Variants in GRID2 observed in about 807,000 individuals in gnomAD.
GRID2 encodes the protein glutamate ionotropic receptor delta type subunit 2.
A neutral mutation model predicts 114.8 loss-of-function variants in GRID2; 33 were observed. The ratio of observed to expected loss-of-function variants is 0.29; its 90% CI spans 0.22 to 0.38. The LOEUF (loss-of-function observed/expected upper bound fraction) is 0.38. GRID2 is among the 10% of genes least tolerant of loss of function. GRID2 has a pLI of 1.00. For missense variants in GRID2, 1,184 were observed against 1,257.7 expected, an observed-to-expected ratio of 0.94 and a Z score of 0.89; for synonymous variants, 505 against 449.9, an observed-to-expected ratio of 1.12 and a Z score of -1.55.
intron 2 of GRID2, among the ~76,000 whole-genome samples, chr4:92,900,547 C>T (rs1747489059): frequency 6.6e-6 from 1 of 152,042 alleles, no homozygotes; most frequent in Admixed American, 6.6e-5. Flanking sequence ...TAATGGCTTC[C>T]AGGCCAGGCA....
intron 14 of GRID2, among the ~76,000 whole-genome samples, chr4:93,679,066 T>C (rs1263376257): frequency 6.6e-6 from 1 of 150,650 alleles, no homozygotes; most frequent in Admixed American, 6.6e-5. Flanking sequence ...AGGCTCAAAA[T>C]AAAAGGATGG....
At chr4:92,830,039 T>C (rs948873994) in intron 2 of GRID2, among the ~76,000 whole-genome samples, 4 of 151,116 alleles carry the variant, frequency 2.6e-5, no homozygotes, top group African/African-American at 7.3e-5. Flanking sequence ...GTGACACATA[T>C]ATACCTATGC....
intron 2 of GRID2, among the ~76,000 whole-genome samples, chr4:92,706,367 A>G (rs1734957941): frequency 1.3e-5 from 2 of 152,236 alleles, no homozygotes; most frequent in Admixed American, 1.3e-4. Flanking sequence ...TGATTAATAA[A>G]TACTGATGTT....
At chr4:92,844,494 A>G (rs983919101) in intron 2 of GRID2, among the ~76,000 whole-genome samples, 2 of 152,026 alleles carry the variant, frequency 1.3e-5, no homozygotes, top group African/African-American at 4.8e-5. Flanking sequence ...AGCCAAGATC[A>G]TGCCACTGCA....
At chr4:92,908,249 A>G (rs1748106569) in intron 2 of GRID2, among the ~76,000 whole-genome samples, 1 of 152,158 alleles carries the variant, frequency 6.6e-6, no homozygotes, top group African/African-American at 2.4e-5. Flanking sequence ...TTACATGTAA[A>G]ATATTCAGTA....
chr4:93,196,292 A>G (rs978376026), intron 4 of GRID2, among the ~76,000 whole-genome samples: 1 of 152,196 alleles, frequency 6.6e-6, no homozygotes, highest in Non-Finnish European at 1.5e-5. Flanking sequence ...AAAAATTTCA[A>G]AGACTATACC....
intron 14 of GRID2, among the ~76,000 whole-genome samples, chr4:93,695,766 T>C (rs1393006783): frequency 6.6e-6 from 1 of 152,214 alleles, no homozygotes; most frequent in African/African-American, 2.4e-5. Context: ...TATGCCATTT[T>C]CTTAGCCATG....
chr4:92,787,795 G>A (rs903136763), intron 2 of GRID2, among the ~76,000 whole-genome samples: 1 of 151,838 alleles, frequency 6.6e-6, no homozygotes, highest in Admixed American at 6.6e-5. Flanking sequence ...CCATTATCCT[G>A]ATAAGAGATG....
At chr4:93,191,898 A>G (rs1419837255) in intron 4 of GRID2, among the ~76,000 whole-genome samples, 1 of 152,216 alleles carries the variant, frequency 6.6e-6, no homozygotes, top group African/African-American at 2.4e-5. Context: ...GAAAATGCCA[A>G]CCATAAATTG....
intron 8 of GRID2, among the ~76,000 whole-genome samples, chr4:93,384,271 C>T (rs1048015691): frequency 2.0e-5 from 3 of 152,030 alleles, no homozygotes; most frequent in Non-Finnish European, 2.9e-5. Context: ...TTTTGGAGCG[C>T]AACAATATTA....
At chr4:93,315,589 A>G (rs1356076727) in intron 8 of GRID2, among the ~76,000 whole-genome samples, 1 of 152,044 alleles carries the variant, frequency 6.6e-6, no homozygotes, top group Non-Finnish European at 1.5e-5. Flanking sequence ...CACCTCCACC[A>G]TGTAATCTCT....
intron 1 of GRID2, among the ~76,000 whole-genome samples, chr4:92,495,066 G>A (rs1290445965): frequency 6.6e-6 from 1 of 151,932 alleles, no homozygotes; most frequent in Admixed American, 6.6e-5. Flanking sequence ...AATCACTTTT[G>A]TAGTAGTAGA....
At chr4:93,280,201 G>A (rs1284102518) in intron 8 of GRID2, among the ~76,000 whole-genome samples, 2 of 151,890 alleles carry the variant, frequency 1.3e-5, no homozygotes, top group Non-Finnish European at 2.9e-5. Context: ...TGGAAGATTT[G>A]GAGCATTATA....
intron 15 of GRID2, 65 bp from the exon 16 acceptor site, chr4:93,772,011 T>TC (rs1734148313): frequency 3.7e-6 from 3 of 814,712 alleles, no homozygotes; most frequent in Admixed American, 5.2e-5. Flanking sequence ...CTGAACTACT[T>TC]TTTTTTTTTT....
chr4:93,616,863 T>C (rs553945484), intron 13 of GRID2, among the ~76,000 whole-genome samples: 61 of 148,730 alleles, frequency 4.1e-4, no homozygotes, highest in Middle Eastern at 3.4e-3. Flanking sequence ...GGCGTGGTGG[T>C]GGGCGCCTGT....
At chr4:93,601,935 A>G (rs1441842399) in intron 13 of GRID2, among the ~76,000 whole-genome samples, 1 of 152,182 alleles carries the variant, frequency 6.6e-6, no homozygotes, top group Non-Finnish European at 1.5e-5. Flanking sequence ...ACTGATCACC[A>G]TATAGTTTCT....
At chr4:92,841,427 A>G (rs1742885725) in intron 2 of GRID2, among the ~76,000 whole-genome samples, 1 of 152,086 alleles carries the variant, frequency 6.6e-6, no homozygotes, top group African/African-American at 2.4e-5. Context: ...TTGAGGAGCT[A>G]TTTATGTCTT....
chr4:92,713,479 A>T (rs1346359902), intron 2 of GRID2, among the ~76,000 whole-genome samples: 4 of 34,994 alleles, frequency 1.1e-4, no homozygotes, highest in African/African-American at 4.8e-4. Context: ...ACATATACAT[A>T]TATATATATA....
chr4:92,991,407 T>G (rs893200980), intron 2 of GRID2, among the ~76,000 whole-genome samples: 5 of 152,172 alleles, frequency 3.3e-5, no homozygotes, highest in African/African-American at 4.8e-5. Context: ...TGTGAAATCA[T>G]GAATTGGAAT....
Sources: gnomAD v4.1 joint callset for allele counts (sites outside exome capture counted in the v4.1 genomes callset) on GRCh38, gnomAD v4.1.1 for gene constraint, MANE v1.5 for transcripts, NCBI Gene and HGNC (gene_info 2026-07-23, HGNC 2026-07-21) for gene names.